Variants in CMAS observed in about 807,000 individuals in gnomAD.
The protein encoded by CMAS is N-acylneuraminate cytidylyltransferase.
CMAS carries 21 observed loss-of-function variants against 53.4 expected under a neutral mutation model. The observed-to-expected ratio is 0.39, with a 90% CI of 0.28 to 0.57. The LOEUF (loss-of-function observed/expected upper bound fraction) is 0.57, where lower values mean the gene tolerates loss of function less well. Among genes scored for constraint, CMAS ranks in the 20% least tolerant of loss-of-function variants. The pLI, the probability that CMAS is intolerant of heterozygous loss-of-function variation, is 0.56. For synonymous variants in CMAS, 189 were observed against 195.2 expected, an observed-to-expected ratio of 0.97 and a Z score of 0.27; for missense variants, 384 against 534.9, an observed-to-expected ratio of 0.72 and a Z score of 2.78.
At position 22,060,858 on chromosome 12, in the gene CMAS, G is replaced by C; in HGVS notation, c.720G>C (p.Met240Ile). ...LQGGKMAYYE[M>I]RAEHSVDIDV... The stretch of plus-strand genomic sequence containing the variant: ...GTGGAAAAATGGCATACTACGAAAT[G>C]CGAGCTGAACATAGTGTGGATATAG... Residue 240 changes from methionine to isoleucine, a missense_variant, in exon 5 of 8, where the codon ATG (methionine) becomes ATC (isoleucine). By Grantham distance (10) the Met-to-Ile change is conservative. Coordinates refer to ENST00000229329, the MANE Select transcript of CMAS (RefSeq NM_018686.6). The C allele has an allele frequency of 6.2e-7, 1 of 1,611,360 alleles. No homozygotes were observed. The highest frequency in any genetic ancestry group is 8.5e-7 in the Non-Finnish European group (1 of 1,177,834).
intron 4 of CMAS, among the ~76,000 whole-genome samples, chr12:22,060,333 T>TAAAAAAAAAA (rs58755366): frequency 0.042 from 2,284 of 54,088 alleles, 324 homozygotes; most frequent in East Asian, 0.092. Flanking sequence ...GCTTTCTCCT[T>TAAAAAAAAAA]AAAAAAAAAA....
rs1052677387 is a variant in CMAS at position 22,065,432 on chromosome 12, T to C, written c.*121T>C. On this transcript the variant is annotated 3_prime_UTR_variant, in exon 8 of 8. Transcript: ENST00000229329. ...AGAGTGTGATTTGGTTTGTGATATA[T>C]ATATATTGTGCTCTACTTTTCTCTT... The C allele has an allele frequency of 5.6e-6, 4 of 713,078 alleles. No individual in the cohort carries two copies. The highest frequency in any genetic ancestry group is 6.9e-6 in the Non-Finnish European group (3 of 435,290). 44.2% of individuals were successfully genotyped at this position (713,078 alleles called of 1,614,324 possible).
chr12:22,054,379 G>A (rs1448057174), intron 1 of CMAS, among the ~76,000 whole-genome samples: 1 of 145,194 alleles, frequency 6.9e-6, no homozygotes, highest in Non-Finnish European at 1.5e-5. Flanking sequence ...ATAGGCAACT[G>A]TGTAACCTGC....
At chr12:22,057,916 C>G (rs975547531) in intron 3 of CMAS, among the ~76,000 whole-genome samples, 13 of 151,426 alleles carry the variant, frequency 8.6e-5, no homozygotes, top group African/African-American at 1.2e-4. Context: ...CAATCTCCCC[C>G]CCCCGGGTTC....
intron 1 of CMAS, among the ~76,000 whole-genome samples, chr12:22,051,327 G>A (rs1487547607): frequency 6.6e-6 from 1 of 152,170 alleles, no homozygotes; most frequent in Non-Finnish European, 1.5e-5. Flanking sequence ...ATTTGTAAGT[G>A]TTGCCTAACA....
At chr12:22,060,333 T>TAAAAAAAAAAAAAAAAAAAAAAAAA (rs58755366) in intron 4 of CMAS, among the ~76,000 whole-genome samples, 1 of 54,138 alleles carries the variant, frequency 1.8e-5, no homozygotes, top group Non-Finnish European at 3.5e-5. Flanking sequence ...GCTTTCTCCT[T>TAAAAAAAAAAAAAAAAAAAAAAAAA]AAAAAAAAAA....
At chr12:22,054,490 A>G (rs1235917085) in intron 1 of CMAS, among the ~76,000 whole-genome samples, 1 of 152,104 alleles carries the variant, frequency 6.6e-6, no homozygotes, top group Admixed American at 6.5e-5. Flanking sequence ...CTACATCTAT[A>G]TACCCATTGT....
chr12:22,060,805 T>C, intron 4 of CMAS, 27 bp from the exon 5 acceptor site: 1 of 1,264,726 alleles, frequency 7.9e-7, no homozygotes, highest in Non-Finnish European at 1.2e-6. Flanking sequence ...TTAAAAACAG[T>C]ATTCATGACA....
intron 7 of CMAS, among the ~76,000 whole-genome samples, chr12:22,063,007 G>GTATT (rs1387926479): frequency 6.6e-6 from 1 of 152,118 alleles, no homozygotes; most frequent in Admixed American, 6.5e-5. Flanking sequence ...GCTGTGACCT[G>GTATT]TATTTATTTG....
At chr12:22,054,259 C>G (rs1053690524) in intron 1 of CMAS, among the ~76,000 whole-genome samples, 8 of 152,110 alleles carry the variant, frequency 5.3e-5, no homozygotes, top group African/African-American at 1.9e-4. Flanking sequence ...TTTACATCTT[C>G]TGCATTTAGC....
At position 22,055,615 on chromosome 12, in the gene CMAS, T is replaced by C. The variant is rs2138182855; in HGVS notation, c.559+5T>C. The C allele has an allele frequency of 1.9e-6, 3 of 1,605,140 alleles. No individual in the cohort carries two copies. The highest frequency in any genetic ancestry group is 2.2e-5 in the East Asian group (1 of 44,760). On this transcript the variant is annotated splice_donor_5th_base_variant and intron_variant, in intron 3 of 7. Transcript: ENST00000229329. ...GGAGTGAAATTCAGAAAGGAGGTAA[T>C]CTCTTTTCAGTCTTTATTTTAGCTG...
intron 4 of CMAS, among the ~76,000 whole-genome samples, chr12:22,058,924 A>G (rs1950287889): frequency 1.3e-5 from 2 of 152,112 alleles, no homozygotes; most frequent in Admixed American, 1.3e-4. Flanking sequence ...ATTCTGCTAC[A>G]ACGATAAAAA....
chr12:22,052,562 C>T (rs1216056237), intron 1 of CMAS, among the ~76,000 whole-genome samples: 4 of 152,022 alleles, frequency 2.6e-5, no homozygotes, highest in East Asian at 1.9e-4. Flanking sequence ...GCCAAATTAC[C>T]ATGTCTTTTG....
In CMAS at chr12:22,058,617, C is replaced by T; in HGVS notation, c.610C>T (p.Arg204Ter). ...TTTAAATCCAGCTAAACGGCCTCGTCGACAAGACTGGGATGGAGAATTATA... is the reference window on the plus strand; with the variant it reads ...TTTAAATCCAGCTAAACGGCCTCGTTGACAAGACTGGGATGGAGAATTATA... Reference protein sequence around the residue: ...LNLNPAKRPRRQDWDGELYEN... With the variant: ...LNLNPAKRPR Residue 204 changes from arginine (R) to a stop codon, truncating the protein, a stop_gained, in exon 4 of 8, where the codon CGA becomes TGA. Coordinates refer to ENST00000229329, the MANE Select transcript of CMAS (RefSeq NM_018686.6). LOFTEE classifies it high-confidence loss of function. 1 of 1,613,434 alleles carries T rather than the reference C, an allele frequency of 6.2e-7. No individual in the cohort carries two copies. Among genetic ancestry groups the T allele is most frequent in the Non-Finnish European group, 8.5e-7 (1 of 1,179,740 alleles).
rs1950204235 is a variant in CMAS, at chr12:22,046,296, G to A, written c.-8G>A. The A allele has an allele frequency of 6.9e-7, 1 of 1,451,204 alleles. No individual in the cohort carries two copies. The highest frequency in any genetic ancestry group is 1.4e-5 in the South Asian group (1 of 70,164). 89.9% of individuals were successfully genotyped at this position (1,451,204 alleles called of 1,614,324 possible). On this transcript the variant is annotated 5_prime_UTR_variant, in exon 1 of 8. Coordinates refer to ENST00000229329, the MANE Select transcript of CMAS (RefSeq NM_018686.6). ...GTGGAGAAGCTGGGGAGAAGGCGTG[G>A]GAGGAAGATGGACTCGGTGGAGAAG...
intron 1 of CMAS, among the ~76,000 whole-genome samples, chr12:22,050,493 G>A (rs1191827529): frequency 1.3e-5 from 2 of 152,174 alleles, no homozygotes; most frequent in African/African-American, 2.4e-5. Context: ...CCCATTGCTT[G>A]TAAAACGGGA....
intron 1 of CMAS, 108 bp from the exon 2 acceptor site, chr12:22,055,041 A>C (rs1041085650): frequency 1.4e-6 from 1 of 732,464 alleles, no homozygotes; most frequent in South Asian, 3.0e-5. Context: ...TCATTGTGCA[A>C]AAAATATTCT....
chr12:22,053,476 ATGTT>A (rs1474207460), intron 1 of CMAS, among the ~76,000 whole-genome samples: 2 of 149,566 alleles, frequency 1.3e-5, no homozygotes, highest in South Asian at 2.1e-4. Context: ...ATGTGTATAT[ATGTT>A]TGTGTGTGTA....
At position 22,061,038 on chromosome 12, in the gene CMAS, A is replaced by C. The variant is rs532321573; in HGVS notation, c.788+112A>C. On this transcript the variant is annotated intron_variant, in intron 5 of 7. Coordinates refer to ENST00000229329, the MANE Select transcript of CMAS (RefSeq NM_018686.6). The stretch of plus-strand genomic sequence containing the variant: ...TAGGATCTTTGTAATTACTTTGTTC[A>C]TGTGAGGAAGACATGTAAAATATGT... 21 of 765,218 alleles carry C rather than the reference A, an allele frequency of 2.7e-5. 1 individual carries two copies. In the South Asian group the frequency reaches 3.3e-4, roughly 12 times the overall value. The allele number at this position is 765,218 out of a possible 1,614,324, so 47.4% of individuals were successfully genotyped here.
Sources: allele counts gnomAD v4.1 joint callset (sites outside exome capture counted in the v4.1 genomes callset), GRCh38; gene constraint gnomAD v4.1.1; transcripts MANE v1.5; gene names NCBI Gene and HGNC (gene_info 2026-07-23, HGNC 2026-07-21).